Variants in SBF1 observed in about 807,000 individuals in gnomAD.
The protein encoded by SBF1 is myotubularin-related protein 5.
A neutral mutation model predicts 215.8 loss-of-function variants in SBF1; 65 were observed. The ratio of observed to expected loss-of-function variants is 0.30; its 90% CI spans 0.25 to 0.37. SBF1 has a LOEUF of 0.37. Among genes scored for constraint, SBF1 ranks in the 10% least tolerant of loss-of-function variants. The probability of loss-of-function intolerance (pLI) is 1.00; values close to 1 mark genes in which losing one functional copy is unlikely to be tolerated. For missense variants in SBF1, 2,634 were observed against 2,667.8 expected, an observed-to-expected ratio of 0.99 and a Z score of 0.28; for synonymous variants, 1,410 against 1,122.8, an observed-to-expected ratio of 1.26 and a Z score of -5.11.
At chr22:50,454,078 T>C (rs754345875) in intron 36 of SBF1, among the ~76,000 whole-genome samples, 4 of 152,174 alleles carry the variant, frequency 2.6e-5, no homozygotes, top group Non-Finnish European at 5.9e-5. Context: ...GAGGCCTCAA[T>C]GTCAACCCCA....
At chr22:50,458,678 T>C (rs1044572082) in intron 28 of SBF1, among the ~76,000 whole-genome samples, 4 of 152,200 alleles carry the variant, frequency 2.6e-5, no homozygotes, top group Admixed American at 1.3e-4. Flanking sequence ...CTGGGGCCAG[T>C]CTAGCTCAGT....
rs1308186854 is a variant in SBF1 at position 50,449,637 on chromosome 22, C to CACACACAG, written c.5044-988_5044-987insCTGTGTGT. On this transcript the variant is annotated intron_variant, in intron 36 of 40. Coordinates refer to ENST00000380817, the MANE Select transcript of SBF1 (RefSeq NM_002972.4). ...CTCAAAACACACAAACACACACACA[C>CACACACAG]ACACACACACACACACACACCCCAA... Among the ~76,000 whole-genome samples the CACACACAG allele has an allele frequency of 1.9e-4, 24 of 128,288 alleles. 1 individual carries two copies. The South Asian group carries it at 5.3e-3, about 28-fold the overall frequency. 84.2% of individuals were successfully genotyped at this position (128,288 alleles called of 152,430 possible). A position where few individuals can be genotyped will look rare whatever the true frequency, so the allele number is the denominator to read the frequency against.
rs548966060 is a variant in SBF1, at chr22:50,460,424, G to A, written c.3147-16C>T. ...GGACAGGGTTCTGAGGCCCACGAGA[G>A]TCAGCAAAGGTGAGAGGAGGAGGGA... On this transcript the variant is annotated splice_polypyrimidine_tract_variant and intron_variant, in intron 24 of 40. Coordinates refer to ENST00000380817, the MANE Select transcript of SBF1 (RefSeq NM_002972.4). 5.6e-6 allele frequency: 9 copies of A among 1,605,328 alleles called. No individual in the cohort carries two copies. The African/African-American group carries it at 9.3e-5, about 17-fold the overall frequency.
chr22:50,457,169 T>C (rs2067288964), intron 28 of SBF1, 58 bp from the exon 29 acceptor site: 1 of 1,364,488 alleles, frequency 7.3e-7, no homozygotes, highest in Non-Finnish European at 9.6e-7. Context: ...CGTGCCCAGC[T>C]TGGGGGTGCC....
chr22:50,466,951 T>G, intron 5 of SBF1: 1 of 558,788 alleles, frequency 1.8e-6, no homozygotes, highest in Non-Finnish European at 3.2e-6. Flanking sequence ...GGGGCCTAGG[T>G]GGGCGGAAGA....
In SBF1 at chr22:50,455,585, G is replaced by T; in HGVS notation, c.4267-3C>A. On this transcript the variant is annotated splice_region_variant and splice_polypyrimidine_tract_variant and intron_variant, in intron 31 of 40. Coordinates refer to ENST00000380817, the MANE Select transcript of SBF1 (RefSeq NM_002972.4). ...GACACCTGCAGCAGCTTGTGGATCT[G>T]CAGGGACAGGCGGCCTCAGCACCTC... 1 of 1,565,792 alleles carries T rather than the reference G, an allele frequency of 6.4e-7. No individual in the cohort carries two copies. The highest frequency in any genetic ancestry group is 8.7e-7 in the Non-Finnish European group (1 of 1,155,278).
Position 50,462,882 on chromosome 22 carries a change from T to A in SBF1, c.1956A>T (p.Thr652=). The A allele has an allele frequency of 3.1e-6, 5 of 1,613,124 alleles. No homozygotes were observed. The highest frequency in any genetic ancestry group is 4.2e-6 in the Non-Finnish European group (5 of 1,179,926). The part of the protein sequence containing the change: ...GIAAALLPLV[T]AFCRKLSPGV... ...TGCCAGCACTCACCCGGCAGAAGGC[T>A]GTGACCAGAGGCAGCAGAGCCGCCG... Residue 652 remains threonine, a synonymous_variant, in exon 17 of 41, where the codon ACA becomes ACT. Coordinates refer to ENST00000380817, the MANE Select transcript of SBF1 (RefSeq NM_002972.4).
In SBF1 at chr22:50,447,292, CCCCTCTCCCAAGCCCCGG is replaced by C. The variant is rs1569507896; in HGVS notation, c.5583+12_5583+29del. 1 of 1,613,372 alleles carries C rather than the reference CCCCTCTCCCAAGCCCCGG, an allele frequency of 6.2e-7. No individual in the cohort carries two copies. The highest frequency in any genetic ancestry group is 8.5e-7 in the Non-Finnish European group (1 of 1,179,430). ...GCAGCCCCCACACCGCAGAGCCCCTCCCCTCTCCCAAGCCCCGGCCAAGGCTCACGTCAAAGAAGGCCT... is the reference window on the plus strand; with the variant it reads ...GCAGCCCCCACACCGCAGAGCCCCTCCCAAGGCTCACGTCAAAGAAGGCCT... On this transcript the variant is annotated intron_variant, in intron 40 of 40. Coordinates refer to ENST00000380817, the MANE Select transcript of SBF1 (RefSeq NM_002972.4).
chr22:50,468,338 C>T (rs2067866096), intron 2 of SBF1, 38 bp downstream of exon 2: 1 of 1,593,960 alleles, frequency 6.3e-7, no homozygotes, highest in South Asian at 1.1e-5. Context: ...CCTGCCCTCC[C>T]CACCTGCCAG....
At chr22:50,468,557 C>T in intron 1 of SBF1, 96 bp from the exon 2 acceptor site, 1 of 781,988 alleles carries the variant, frequency 1.3e-6, no homozygotes. Flanking sequence ...ACCCACTGGG[C>T]CCTCATCTGG....
In SBF1 at chr22:50,474,946, G is replaced by T; in HGVS notation, c.-106C>A. On this transcript the variant is annotated 5_prime_UTR_variant, in exon 1 of 41. Coordinates refer to ENST00000380817, the MANE Select transcript of SBF1 (RefSeq NM_002972.4). ...GCCCCGGCCCTGGACCGCGCACCCC[G>T]GACACCCCTGGTTCGCTCCGCGGCG... is the stretch of plus-strand genomic sequence containing the variant. 1 of 762,716 alleles carries T rather than the reference G, an allele frequency of 1.3e-6. No homozygotes were observed. Among genetic ancestry groups the T allele is most frequent in the Non-Finnish European group, 1.7e-6 (1 of 573,794 alleles). 47.2% of individuals were successfully genotyped at this position (762,716 alleles called of 1,614,324 possible). A position where few individuals can be genotyped will look rare whatever the true frequency, so the allele number is the denominator to read the frequency against.
At chr22:50,463,034 G>A (rs1271647471) in intron 16 of SBF1, 96 bp from the exon 17 acceptor site, 4 of 1,300,560 alleles carry the variant, frequency 3.1e-6, no homozygotes, top group Middle Eastern at 3.6e-4. Flanking sequence ...CCACAGACCA[G>A]CACCTGACAC....
At chr22:50,447,764 G>T (rs971116064) in intron 38 of SBF1, among the ~76,000 whole-genome samples, 155 bp from the exon 39 acceptor site, 2 of 152,202 alleles carry the variant, frequency 1.3e-5, no homozygotes, top group Non-Finnish European at 2.9e-5. Flanking sequence ...TGGCCAGGGG[G>T]CCACAAAGAA....
chr22:50,466,569 G>T, intron 6 of SBF1, 36 bp downstream of exon 6: 1 of 1,533,878 alleles, frequency 6.5e-7, no homozygotes, highest in Non-Finnish European at 8.8e-7. Flanking sequence ...CAGTCCCCGA[G>T]GGGAAGCCAT....
chr22:50,465,606 C>T (rs2067715033), intron 10 of SBF1, among the ~76,000 whole-genome samples, 157 bp downstream of exon 10: 1 of 152,240 alleles, frequency 6.6e-6, no homozygotes, highest in Non-Finnish European at 1.5e-5. Context: ...ACCACCACTC[C>T]TAACTGCTGG....
At position 50,457,111 on chromosome 22, in the gene SBF1, A is replaced by C. The variant is rs753849038; in HGVS notation, c.3827T>G (p.Val1276Gly). 2 of 1,482,238 alleles carry C rather than the reference A, an allele frequency of 1.3e-6. No individual in the cohort carries two copies. Among genetic ancestry groups the C allele is most frequent in the Non-Finnish European group, 1.8e-6 (2 of 1,125,266 alleles). 91.8% of individuals were successfully genotyped at this position (1,482,238 alleles called of 1,614,324 possible). ...GGTGACCCTGGCTCTGGGGCTGGGA[A>C]CTGAGGGCACAGCAGAGAGAAGGCT... ...GFSSAHMGSH[V>G]PSPRARVTTL... The change falls in exon 29 of 41, where the codon GTT becomes GGT. Residue 1276 changes from valine (V) to glycine (G), a missense_variant and splice_region_variant. Coordinates refer to ENST00000380817, the MANE Select transcript of SBF1 (RefSeq NM_002972.4).
chr22:50,473,857 C>A lies in SBF1; in HGVS notation c.55+929G>T, dbSNP rs2068079149. Among the ~76,000 whole-genome samples, 5 of 152,198 alleles carry A rather than the reference C, an allele frequency of 3.3e-5. No individual in the cohort carries two copies. In the South Asian group the frequency reaches 1.0e-3, roughly 31 times the overall value. On this transcript the variant is annotated intron_variant, in intron 1 of 40. Transcript: ENST00000380817. Reference sequence around the variant, plus strand: ...CCCAGCCTCTCTGAGCCGGCTCAGGCCAGGCAGTCAGCTTATCCGCGCCTA... The same window carrying A: ...CCCAGCCTCTCTGAGCCGGCTCAGGACAGGCAGTCAGCTTATCCGCGCCTA...
In SBF1 at chr22:50,456,551, C is replaced by G. The variant is rs945481633; in HGVS notation, c.4027G>C (p.Gly1343Arg). 6 of 1,588,006 alleles carry G rather than the reference C, an allele frequency of 3.8e-6. No homozygotes were observed. The highest frequency in any genetic ancestry group is 5.1e-6 in the Non-Finnish European group (6 of 1,167,784). The change falls in exon 30 of 41, where the codon GGC becomes CGC. Residue 1343 changes from glycine to arginine, a missense_variant. Coordinates refer to ENST00000380817, the MANE Select transcript of SBF1 (RefSeq NM_002972.4). Reference sequence around the variant, plus strand: ...GCTGCTCGCTGCGGACGCAGGAAGCCCGGGTCGGGAGGGCCCCCGTTGGCC... The same window carrying G: ...GCTGCTCGCTGCGGACGCAGGAAGCGCGGGTCGGGAGGGCCCCCGTTGGCC... ...PQANGGPPDP[G>R]FLRPQRAALY...
chr22:50,461,366 G>C, intron 22 of SBF1, 80 bp from the exon 23 acceptor site: 1 of 1,533,616 alleles, frequency 6.5e-7, no homozygotes, highest in Non-Finnish European at 8.8e-7. Flanking sequence ...CCACAGTTAT[G>C]GGGAATCCCA....
Sources: allele counts gnomAD v4.1 joint callset (sites outside exome capture counted in the v4.1 genomes callset), GRCh38; gene constraint gnomAD v4.1.1; transcripts MANE v1.5; gene names NCBI Gene and HGNC (gene_info 2026-07-23, HGNC 2026-07-21).